Variants in MSN observed in about 807,000 individuals in gnomAD.
MSN encodes epididymis luminal protein 70.
A neutral mutation model predicts 48.0 loss-of-function variants in MSN; 2 were observed. The ratio of observed to expected loss-of-function variants is 0.04; its 90% CI spans 0.02 to 0.13. The LOEUF is 0.13. Among genes scored for constraint, MSN ranks in the 10% least tolerant of loss-of-function variants. The pLI, the probability that MSN is intolerant of heterozygous loss-of-function variation, is 1.00. For missense variants in MSN, 267 were observed against 470.1 expected, an observed-to-expected ratio of 0.57 and a Z score of 3.99; for synonymous variants, 146 against 166.9, an observed-to-expected ratio of 0.87 and a Z score of 0.97.
chrX:65,629,003 T>C (rs758860207), intron 1 of MSN, among the ~76,000 whole-genome samples: 5 of 107,701 alleles, frequency 4.6e-5, no homozygotes, highest in Non-Finnish European at 9.6e-5. Flanking sequence ...AAAGTGGAGG[T>C]TGCAGTCAGT....
chrX:65,654,122 T>C (rs1444313700), intron 1 of MSN, among the ~76,000 whole-genome samples: 1 of 97,498 alleles, frequency 1.0e-5, no homozygotes, highest in Non-Finnish European at 2.1e-5. Context: ...TTTTTTTTTT[T>C]TGGGACAGAG....
At chrX:65,591,752 C>T (rs1444559608) in intron 1 of MSN, among the ~76,000 whole-genome samples, 1 of 111,310 alleles carries the variant, frequency 9.0e-6, no homozygotes, top group African/African-American at 3.3e-5. Flanking sequence ...TTTTTCTTAA[C>T]CCCGGAGTGA....
intron 1 of MSN, among the ~76,000 whole-genome samples, chrX:65,694,495 A>G (rs2071210969): frequency 9.3e-6 from 1 of 107,709 alleles, no homozygotes; most frequent in Non-Finnish European, 1.9e-5. Context: ...CGCCCGGCTA[A>G]TTTTTGTATT....
intron 1 of MSN, among the ~76,000 whole-genome samples, chrX:65,679,811 T>C: frequency 8.9e-6 from 1 of 112,679 alleles, no homozygotes; most frequent in East Asian, 2.8e-4. Context: ...CTGAGCCCCC[T>C]GGAGAAAGCA....
At chrX:65,648,356 C>A (rs369606686) in intron 1 of MSN, among the ~76,000 whole-genome samples, 1 of 108,925 alleles carries the variant, frequency 9.2e-6, no homozygotes, top group Non-Finnish European at 1.9e-5. Context: ...AGTTCAAGAC[C>A]AGCCTGGCCA....
At chrX:65,669,219 T>C (rs1215025322) in intron 1 of MSN, among the ~76,000 whole-genome samples, 2 of 110,796 alleles carry the variant, frequency 1.8e-5, no homozygotes, top group Non-Finnish European at 3.8e-5. Context: ...AGAGAGAGAG[T>C]AATGGTTTTG....
chrX:65,667,934 G>A, intron 1 of MSN, 81 bp downstream of exon 1: 1 of 1,069,359 alleles, frequency 9.4e-7, no homozygotes, highest in Non-Finnish European at 1.3e-6. Context: ...TGAGGGCTTG[G>A]CCAGCCACCG....
At chrX:65,633,268 C>A (rs772044982) in intron 1 of MSN, among the ~76,000 whole-genome samples, 1 of 111,658 alleles carries the variant, frequency 9.0e-6, no homozygotes, top group African/African-American at 3.3e-5. Context: ...CACCCCTTTT[C>A]TTCAGAAATT....
At chrX:65,618,871 C>T (rs1602724035) in intron 1 of MSN, among the ~76,000 whole-genome samples, 2 of 111,274 alleles carry the variant, frequency 1.8e-5, no homozygotes, top group East Asian at 5.6e-4. Context: ...ATGTTTAGTG[C>T]TTCCTTCAGG....
intron 5 of MSN, 148 bp downstream of exon 5, chrX:65,731,338 A>G: frequency 2.1e-6 from 1 of 483,127 alleles, no homozygotes; most frequent in Non-Finnish European, 3.5e-6. Context: ...TAGGACCATT[A>G]TAAGGCTGTT....
At chrX:65,697,589 C>T in intron 1 of MSN, among the ~76,000 whole-genome samples, 1 of 111,848 alleles carries the variant, frequency 8.9e-6, no homozygotes, top group Non-Finnish European at 1.9e-5. Flanking sequence ...GTGGCCAAAG[C>T]CACTGTAGGC....
chrX:65,660,232 C>T (rs2070811424), intron 1 of MSN, among the ~76,000 whole-genome samples: 1 of 112,013 alleles, frequency 8.9e-6, no homozygotes, highest in Non-Finnish European at 1.9e-5. Context: ...GAAGGCACTA[C>T]TTCTCTGGCT....
intron 2 of MSN, among the ~76,000 whole-genome samples, chrX:65,724,056 T>C (rs1376826436): frequency 9.2e-6 from 1 of 108,522 alleles, no homozygotes; most frequent in Admixed American, 9.9e-5. Context: ...TTTTTTGACA[T>C]CACTTTAGGT....
intron 1 of MSN, among the ~76,000 whole-genome samples, chrX:65,620,574 C>G (rs934527984): frequency 2.7e-5 from 3 of 113,038 alleles, no homozygotes; most frequent in African/African-American, 9.6e-5. Flanking sequence ...GGGTCGCGCA[C>G]GGTGCGCACA....
At chrX:65,681,583 A>C (rs1394525144) in intron 1 of MSN, among the ~76,000 whole-genome samples, 1 of 112,425 alleles carries the variant, frequency 8.9e-6, no homozygotes, top group Non-Finnish European at 1.9e-5. Flanking sequence ...CCTGAGTGTA[A>C]GTACAGAGAA....
At chrX:65,630,944 CAT>C (rs1409934272) in intron 1 of MSN, among the ~76,000 whole-genome samples, 2 of 111,474 alleles carry the variant, frequency 1.8e-5, no homozygotes, top group Admixed American at 9.6e-5. Flanking sequence ...TACCTGCACT[CAT>C]AAAATCTTGC....
At chrX:65,708,654 A>G (rs957340617) in intron 1 of MSN, among the ~76,000 whole-genome samples, 2 of 110,027 alleles carry the variant, frequency 1.8e-5, no homozygotes, top group Non-Finnish European at 3.8e-5. Flanking sequence ...AGGCTCATCC[A>G]TGTTGCTGCA....
intron 1 of MSN, among the ~76,000 whole-genome samples, chrX:65,623,368 C>CTTTTTTTTTTTTTTTTTTCT (rs773663630): frequency 1.3e-5 from 1 of 74,172 alleles, no homozygotes; most frequent in African/African-American, 4.8e-5. Flanking sequence ...TCTTTCTTTT[C>CTTTTTTTTTTTTTTTTTTCT]TTTTTTTTTT....
At chrX:65,621,618 G>C (rs2070447497) in intron 1 of MSN, among the ~76,000 whole-genome samples, 1 of 106,706 alleles carries the variant, frequency 9.4e-6, no homozygotes, top group Admixed American at 9.8e-5. Context: ...TAAATTTTAG[G>C]ATTAAAAAAA....
Sources: allele counts gnomAD v4.1 joint callset (sites outside exome capture counted in the v4.1 genomes callset), GRCh38; gene constraint gnomAD v4.1.1; transcripts MANE v1.5; gene names NCBI Gene and HGNC (gene_info 2026-07-23, HGNC 2026-07-21).